Variants in MUSK observed in about 807,000 individuals in gnomAD.
The protein encoded by MUSK is muscle, skeletal receptor tyrosine-protein kinase.
In MUSK, 55 loss-of-function variants were observed where a neutral mutation model predicts 88.7. The observed-to-expected ratio is 0.62, with a 90% CI of 0.50 to 0.78. MUSK has a LOEUF of 0.78. Among genes scored for constraint, MUSK ranks in the 30% least tolerant of loss-of-function variants. The pLI, the probability that MUSK is intolerant of heterozygous loss-of-function variation, is 0.00. For missense variants in MUSK, 1,015 were observed against 1,074.3 expected (o/e 0.94, Z 0.77); for synonymous variants, 387 against 391.9 (o/e 0.99, Z 0.15).
At position 110,695,594 on chromosome 9, in the gene MUSK, ACACT is replaced by A. The variant is rs67349201; in HGVS notation, c.486+67_486+70del. ...ATTTTAAAATATAACATTTCTTTAC[ACACT>A]CAGTTACACACTTACAAACTTCTAG... On this transcript the variant is annotated intron_variant, in intron 4 of 14. Transcript: ENST00000374448. 16,623 of 1,249,476 alleles carry A rather than the reference ACACT, an allele frequency of 0.013. 1,548 individuals carry two copies. The African/African-American group carries it at 0.21, about 16-fold the overall frequency. 77.4% of individuals were successfully genotyped at this position (1,249,476 alleles called of 1,614,324 possible).
At chr9:110,789,576 C>T (rs1019680467) in intron 14 of MUSK, among the ~76,000 whole-genome samples, 23 of 152,112 alleles carry the variant, frequency 1.5e-4, no homozygotes, top group Admixed American at 1.1e-3. Flanking sequence ...GTCAGGAATT[C>T]GAGACTAGCC....
chr9:110,716,964 G>T (rs1174005468), intron 5 of MUSK, among the ~76,000 whole-genome samples: 1 of 149,242 alleles, frequency 6.7e-6, no homozygotes, highest in Non-Finnish European at 1.5e-5. Flanking sequence ...TTTGTTTTGT[G>T]TTTTCCTGTG....
intron 14 of MUSK, among the ~76,000 whole-genome samples, chr9:110,788,713 A>G (rs2077920027): frequency 1.3e-5 from 2 of 150,884 alleles, no homozygotes; most frequent in South Asian, 4.2e-4. Context: ...TAAAAAAAAA[A>G]CAAAAATATG....
In MUSK at chr9:110,747,326, A is replaced by C. The variant is rs77970534; in HGVS notation, c.754-315A>C. Among the ~76,000 whole-genome samples the C allele has an allele frequency of 0.029, 4,447 of 152,298 alleles. 83 individuals carry two copies. Among genetic ancestry groups the C allele is most frequent in the Non-Finnish European group, 0.048 (3,236 of 68,026 alleles). On this transcript the variant is annotated intron_variant, in intron 6 of 14. Transcript: ENST00000374448. Reference sequence around the variant, plus strand: ...CTACCATGCTGGCTCTTGCTTGTTTATAGGCAGTCCCAGGTTCCATAAACA... The same window carrying C: ...CTACCATGCTGGCTCTTGCTTGTTTCTAGGCAGTCCCAGGTTCCATAAACA...
At chr9:110,673,759 A>T (rs114432581) in intron 1 of MUSK, among the ~76,000 whole-genome samples, 214 of 152,326 alleles carry the variant, frequency 1.4e-3, no homozygotes, top group African/African-American at 5.0e-3. Context: ...AAATAACACT[A>T]GTGCATAAAG....
intron 3 of MUSK, among the ~76,000 whole-genome samples, chr9:110,694,392 AAAAAAAAAAAAAAAC>A (rs1335942777): frequency 1.4e-5 from 2 of 144,504 alleles, no homozygotes; most frequent in Non-Finnish European, 3.0e-5. Context: ...TCTCAAAAAA[AAAAAAAAAAAAAAAC>A]AAAAAAACAA....
At chr9:110,798,372 G>A (rs1267483676) in intron 14 of MUSK, among the ~76,000 whole-genome samples, 5 of 152,146 alleles carry the variant, frequency 3.3e-5, no homozygotes, top group Non-Finnish European at 5.9e-5. Flanking sequence ...GGGAAAAATG[G>A]TATAACTAAA....
rs10817087 is a variant in MUSK at position 110,728,496 on chromosome 9, C to T, written c.629-5755C>T. ...CATTCTGAAATCTTATGTCATTTAA[C>T]AGTTTGCTTTCAAAAGGTCTGCAGT... is the stretch of plus-strand genomic sequence containing the variant. On this transcript the variant is annotated intron_variant, in intron 5 of 14. Transcript: ENST00000374448. Among the ~76,000 whole-genome samples, 133,945 of 152,096 alleles carry T rather than the reference C, an allele frequency of 0.88. 59,367 individuals are homozygous for T. Among genetic ancestry groups the T allele is most frequent in the African/African-American group, 0.93 (38,774 of 41,522 alleles).
At chr9:110,723,391 G>A (rs997228839) in intron 5 of MUSK, among the ~76,000 whole-genome samples, 1 of 151,988 alleles carries the variant, frequency 6.6e-6, no homozygotes, top group African/African-American at 2.4e-5. Context: ...AACATTGTAT[G>A]TTTTCATGCA....
intron 1 of MUSK, among the ~76,000 whole-genome samples, chr9:110,675,808 G>A (rs957460462): frequency 2.0e-5 from 3 of 150,990 alleles, no homozygotes; most frequent in Non-Finnish European, 4.4e-5. Context: ...GGTCCTCCCC[G>A]CCTCGGCCTC....
At chr9:110,737,579 C>A (rs1385403169) in intron 6 of MUSK, among the ~76,000 whole-genome samples, 1 of 151,938 alleles carries the variant, frequency 6.6e-6, no homozygotes, top group Admixed American at 6.6e-5. Flanking sequence ...CATGATCAGG[C>A]TTTGTTAATA....
chr9:110,764,411 G>T (rs1275778344), intron 8 of MUSK, among the ~76,000 whole-genome samples: 2 of 152,086 alleles, frequency 1.3e-5, no homozygotes, highest in African/African-American at 4.8e-5. Context: ...ATAGATTTAG[G>T]GGTTTGAGGG....
rs1434168613 is a variant in MUSK at position 110,690,279 on chromosome 9, T to TAGAA, written c.358+3012_358+3013insGAAA. ...ATAAATATATATTTAAGTACAAATA[T>TAGAA]ATAAATATATATAAATATATATTTA... is the stretch of plus-strand genomic sequence containing the variant. On this transcript the variant is annotated intron_variant, in intron 3 of 14. Coordinates refer to ENST00000374448, the MANE Select transcript of MUSK (RefSeq NM_005592.4). Among the ~76,000 whole-genome samples, 39 of 99,950 alleles carry TAGAA rather than the reference T, an allele frequency of 3.9e-4. 3 individuals carry two copies. Among genetic ancestry groups the TAGAA allele is most frequent in the Middle Eastern group, 0.028 (2 of 72 alleles). 65.6% of individuals were successfully genotyped at this position (99,950 alleles called of 152,430 possible). A position where few individuals can be genotyped will look rare whatever the true frequency, so the allele number is the denominator to read the frequency against.
At chr9:110,680,372 TTTC>T (rs2076091747) in intron 1 of MUSK, among the ~76,000 whole-genome samples, 1 of 79,966 alleles carries the variant, frequency 1.3e-5, no homozygotes. Flanking sequence ...TATGAATTTC[TTTC>T]TTTTTTTCTT....
chr9:110,735,781 A>C (rs909068634), intron 6 of MUSK, among the ~76,000 whole-genome samples: 2 of 152,120 alleles, frequency 1.3e-5, no homozygotes, highest in African/African-American at 2.4e-5. Flanking sequence ...AGAAACTTAC[A>C]ATCATGGCAG....
At chr9:110,697,646 A>G (rs2076450513) in intron 5 of MUSK, among the ~76,000 whole-genome samples, 180 bp downstream of exon 5, 2 of 152,152 alleles carry the variant, frequency 1.3e-5, no homozygotes, top group African/African-American at 4.8e-5. Flanking sequence ...AAAAAGAAAG[A>G]AATTTTCACT....
At chr9:110,754,792 A>G (rs748352103) in intron 7 of MUSK, among the ~76,000 whole-genome samples, 3 of 152,200 alleles carry the variant, frequency 2.0e-5, no homozygotes, top group Non-Finnish European at 4.4e-5. Context: ...CAGAACTGCC[A>G]TGAGATTTGG....
chr9:110,715,140 A>G (rs2076728779), intron 5 of MUSK, among the ~76,000 whole-genome samples: 1 of 150,008 alleles, frequency 6.7e-6, no homozygotes, highest in Non-Finnish European at 1.5e-5. Flanking sequence ...CTAAAGGAAC[A>G]GCTTTCATGA....
intron 5 of MUSK, among the ~76,000 whole-genome samples, chr9:110,714,799 C>T (rs2076724392): frequency 6.6e-6 from 1 of 152,102 alleles, no homozygotes; most frequent in East Asian, 1.9e-4. Flanking sequence ...CAATTTAACC[C>T]ATTTTGTTCT....
Sources: allele counts gnomAD v4.1 joint callset (sites outside exome capture counted in the v4.1 genomes callset), GRCh38; gene constraint gnomAD v4.1.1; transcripts MANE v1.5; gene names NCBI Gene and HGNC (gene_info 2026-07-23, HGNC 2026-07-21).